The following NPHS1 variants were observed in gnomAD, a reference collection of about 807,000 sequenced individuals.
NPHS1 encodes the protein NPHS1 adhesion molecule, nephrin.
In NPHS1, 107 loss-of-function variants were observed where a neutral mutation model predicts 139.7. The ratio of observed to expected loss-of-function variants is 0.77; its 90% CI spans 0.66 to 0.90. The LOEUF is 0.90. Ranked by LOEUF, NPHS1 falls within the 40% of genes least tolerant of loss-of-function variation. The pLI is 0.00. For synonymous variants in NPHS1, 707 were observed against 706.6 expected (o/e 1.00, Z -0.01); for missense variants, 1,580 against 1,654.2 (o/e 0.96, Z 0.78).
chr19:35,829,197 G>A (rs1385387940), intron 28 of NPHS1, among the ~76,000 whole-genome samples: 1 of 152,208 alleles, frequency 6.6e-6, no homozygotes, highest in Non-Finnish European at 1.5e-5. Context: ...AACTGGCCCA[G>A]GCCTCTCCTG....
chr19:35,844,376 C>G lies in NPHS1; in HGVS notation c.2014G>C (p.Ala672Pro). The G allele has an allele frequency of 6.2e-7, 1 of 1,612,874 alleles. No individual in the cohort carries two copies. The highest frequency in any genetic ancestry group is 8.5e-7 in the Non-Finnish European group (1 of 1,179,638). Residue 672 changes from alanine (A) to proline (P), a missense_variant, in exon 15 of 29, where the codon GCT (alanine) becomes CCT (proline). Ala to Pro is a conservative substitution (Grantham distance 27). Coordinates refer to ENST00000378910, the MANE Select transcript of NPHS1 (RefSeq NM_004646.4). ...GEALLPVSVS[A>P]NPAPEAFNWT... ...TTGAAGGCCTCGGGGGCGGGGTTAGCGGACACGGACACGGGCAGCAACGCC... is the reference window on the plus strand; with the variant it reads ...TTGAAGGCCTCGGGGGCGGGGTTAGGGGACACGGACACGGGCAGCAACGCC...
At position 35,826,338 on chromosome 19, in the gene NPHS1, T is replaced by C; in HGVS notation, c.*176A>G. ...CCAACCCCAGGATGCACCTTGTTTC[T>C]ACTCTGGTACCAGCTGAACCATCTC... On this transcript the variant is annotated 3_prime_UTR_variant, in exon 29 of 29. Transcript: ENST00000378910. 1 of 690,580 alleles carries C rather than the reference T, an allele frequency of 1.4e-6. No homozygotes were observed. The highest frequency in any genetic ancestry group is 2.6e-5 in the Admixed American group (1 of 38,576). The allele number at this position is 690,580 out of a possible 1,614,324, so 42.8% of individuals were successfully genotyped here.
chr19:35,851,707 G>C (rs763349074), intron 1 of NPHS1, 35 bp from the exon 2 acceptor site: 1 of 1,589,650 alleles, frequency 6.3e-7, no homozygotes, highest in Admixed American at 1.8e-5. Flanking sequence ...AAAGGGCAGA[G>C]GGTTTGTCTA....
In NPHS1 at chr19:35,831,736, C is replaced by T. The variant is rs748126627; in HGVS notation, c.3193G>A (p.Val1065Met). ...AGAAGCCCCCCAAGAGCGAACAGCA[C>T]AGGCAGCAGGGGCAGCCCCGAGGGT... The part of the protein sequence containing the change: ...SGPSGLPLLP[V>M]LFALGGLLLL... The change falls in exon 24 of 29, where the codon GTG (valine) becomes ATG (methionine). Residue 1065 changes from valine to methionine, a missense_variant. Coordinates refer to ENST00000378910, the MANE Select transcript of NPHS1 (RefSeq NM_004646.4). The T allele has an allele frequency of 3.2e-6, 5 of 1,582,944 alleles. No individual in the cohort carries two copies. The African/African-American group carries it at 4.1e-5, about 13-fold the overall frequency.
In NPHS1 at chr19:35,826,472, G is replaced by A. The variant is rs746124484; in HGVS notation, c.*42C>T. On this transcript the variant is annotated 3_prime_UTR_variant, in exon 29 of 29. Coordinates refer to ENST00000378910, the MANE Select transcript of NPHS1 (RefSeq NM_004646.4). ...CTGTAATGAGAGAGACCAGTGGAGT[G>A]TAAATTCCTGCAGGTGCAGGACAAT... The A allele has an allele frequency of 1.9e-6, 3 of 1,610,942 alleles. No individual in the cohort carries two copies. The highest frequency in any genetic ancestry group is 3.3e-5 in the Admixed American group (2 of 59,990).
At position 35,841,714 on chromosome 19, in the gene NPHS1, C is replaced by T; in HGVS notation, c.2815+1G>A. ...CCAACACCCTCACAGCCCCTCCATA[C>T]TGATGCTGACAAGTTGAATGTTGGT... On this transcript the variant is annotated splice_donor_variant, in intron 20 of 28. Transcript: ENST00000378910. LOFTEE classifies it high-confidence loss of function. 6.2e-7 allele frequency: 1 copy of T among 1,614,170 alleles called. No individual in the cohort carries two copies. The highest frequency in any genetic ancestry group is 8.5e-7 in the Non-Finnish European group (1 of 1,180,022).
Position 35,842,247 on chromosome 19 carries a change from G to C in NPHS1, c.2540C>G (p.Thr847Ser). ...GCTGTCTCCAGCTGCAGCCACCTTA[G>C]TTAGGGGAGTGGGGTGCTCCACCTG... ...APQVEHPTPL[T>S]KVAAAGDSTS... is the part of the protein sequence containing the mutation. Residue 847 changes from threonine (T) to serine (S), a missense_variant, in exon 19 of 29, where the codon ACT (threonine) becomes AGT (serine). Thr to Ser is a moderately conservative substitution (Grantham distance 58). Coordinates refer to ENST00000378910, the MANE Select transcript of NPHS1 (RefSeq NM_004646.4). 6.2e-7 allele frequency: 1 copy of C among 1,613,382 alleles called. No homozygotes were observed. The highest frequency in any genetic ancestry group is 8.5e-7 in the Non-Finnish European group (1 of 1,179,958).
chr19:35,830,921 C>G lies in NPHS1; in HGVS notation c.3517G>C (p.Gly1173Arg). The part of the protein sequence containing the change: ...TGEDEDMAFP[G>R]HLYDEVERTY... ...CTTTCTACCTCATCATACAAGTGCC[C>G]AGGGAAGGCCATATCCTCATCTTCA... is the stretch of plus-strand genomic sequence containing the variant. The change falls in exon 28 of 29, where the codon GGG becomes CGG. Residue 1173 changes from glycine (G) to arginine (R), a missense_variant. Gly to Arg is a moderately radical substitution (Grantham distance 125). Coordinates refer to ENST00000378910, the MANE Select transcript of NPHS1 (RefSeq NM_004646.4). The G allele has an allele frequency of 1.9e-6, 3 of 1,613,956 alleles. No individual in the cohort carries two copies. Among genetic ancestry groups the G allele is most frequent in the Non-Finnish European group, 2.5e-6 (3 of 1,179,896 alleles).
At chr19:35,829,518 C>T (rs1205458222) in intron 28 of NPHS1, among the ~76,000 whole-genome samples, 4 of 151,140 alleles carry the variant, frequency 2.6e-5, no homozygotes, top group Non-Finnish European at 5.9e-5. Flanking sequence ...AGGCATGCAC[C>T]ACCATGCCCA....
Position 35,831,070 on chromosome 19 carries a change from T to C in NPHS1, c.3464A>G (p.Glu1155Gly). The C allele has an allele frequency of 6.2e-7, 1 of 1,614,006 alleles. No individual in the cohort carries two copies. The highest frequency in any genetic ancestry group is 8.5e-7 in the Non-Finnish European group (1 of 1,179,984). The change falls in exon 27 of 29, where the codon GAG becomes GGG. Residue 1155 changes from glutamate (E) to glycine (G), a missense_variant. Physicochemically the swap from Glu to Gly is moderately conservative, Grantham distance 98. Transcript: ENST00000378910. ...TAACTCACCTCGGGAATAAGACACC[T>C]CCTCCTGCGTCGGGGGCAGCTGGGG... ...FSPQLPPTQEEVSYSRGFTGE... is the reference protein window; with the variant it reads ...FSPQLPPTQEGVSYSRGFTGE...
At chr19:35,848,007 C>T (rs1388007023) in intron 11 of NPHS1, 34 bp downstream of exon 11, 1 of 1,611,062 alleles carries the variant, frequency 6.2e-7, no homozygotes, top group South Asian at 1.1e-5. Context: ...CCCCACATTC[C>T]TGGCCACCCC....
intron 22 of NPHS1, among the ~76,000 whole-genome samples, chr19:35,837,250 T>C (rs1972980342): frequency 6.6e-6 from 1 of 152,206 alleles, no homozygotes; most frequent in South Asian, 2.1e-4. Context: ...ATATTCATCA[T>C]ATTCAAGGAA....
intron 5 of NPHS1, among the ~76,000 whole-genome samples, 184 bp downstream of exon 5, chr19:35,850,180 T>G (rs965465794): frequency 6.6e-5 from 10 of 152,228 alleles, no homozygotes; most frequent in African/African-American, 2.4e-4. Flanking sequence ...CCTCCCAAAG[T>G]GCTGGGATTA....
rs2146803109 is a variant in NPHS1 at position 35,826,436 on chromosome 19, C to T, written c.*78G>A. ...GGTTTTATGGAGCTCACCTAACCAG[C>T]TCGGCCCAGGCTGTAATGAGAGAGA... On this transcript the variant is annotated 3_prime_UTR_variant, in exon 29 of 29. Coordinates refer to ENST00000378910, the MANE Select transcript of NPHS1 (RefSeq NM_004646.4). 6.3e-7 allele frequency: 1 copy of T among 1,580,418 alleles called. No homozygotes were observed. The highest frequency in any genetic ancestry group is 8.7e-7 in the Non-Finnish European group (1 of 1,151,618).
chr19:35,850,528 T>A, intron 4 of NPHS1, 83 bp from the exon 5 acceptor site: 3 of 1,147,866 alleles, frequency 2.6e-6, no homozygotes, highest in Non-Finnish European at 4.0e-6. Context: ...GTCCTCAGGG[T>A]GGGTGCGATG....
chr19:35,842,987 TCAGA>T (rs1173302496), intron 17 of NPHS1, among the ~76,000 whole-genome samples: 3 of 152,108 alleles, frequency 2.0e-5, no homozygotes, highest in South Asian at 2.1e-4. Context: ...ATGCATCTGT[TCAGA>T]CATTTACCCA....
At position 35,846,154 on chromosome 19, in the gene NPHS1, G is replaced by A. The variant is rs1568454835; in HGVS notation, c.1481C>T (p.Ser494Leu). Residue 494 changes from serine to leucine, a missense_variant, in exon 12 of 29, where the codon TCG becomes TTG. By Grantham distance (145) the Ser-to-Leu change is moderately radical. Transcript: ENST00000378910. ...CACGCTGCCGAGATGCACGCGCCGC[G>A]ACTCCTGCGGCAGCCGCGACTCGGT... ...TVTESRLPQE[S>L]RRVHLGSVEK... 3 of 1,595,966 alleles carry A rather than the reference G, an allele frequency of 1.9e-6. No homozygotes were observed. Among genetic ancestry groups the A allele is most frequent in the South Asian group, 2.3e-5 (2 of 88,292 alleles).
Position 35,825,694 on chromosome 19 carries a change from T to C in NPHS1, c.*820A>G, listed in dbSNP as rs1211984188. On this transcript the variant is annotated 3_prime_UTR_variant, in exon 29 of 29. Coordinates refer to ENST00000378910, the MANE Select transcript of NPHS1 (RefSeq NM_004646.4). ...AGCTTCTTTTGATTGTCTGTTTATT[T>C]TAATGCTTATGGAGCATACTTATGT... Among the ~76,000 whole-genome samples the C allele has an allele frequency of 6.6e-6, 1 of 152,226 alleles. No individual in the cohort carries two copies. The highest frequency in any genetic ancestry group is 6.5e-5 in the Admixed American group (1 of 15,280).
chr19:35,842,660 G>A (rs1973078905), intron 17 of NPHS1, 110 bp from the exon 18 acceptor site: 2 of 1,131,800 alleles, frequency 1.8e-6, no homozygotes, highest in Admixed American at 1.9e-5. Context: ...ACCCTCCACA[G>A]AGGTATTGAA....
Sources: gnomAD v4.1 joint callset for allele counts (sites outside exome capture counted in the v4.1 genomes callset) on GRCh38, gnomAD v4.1.1 for gene constraint, MANE v1.5 for transcripts, NCBI Gene and HGNC (gene_info 2026-07-23, HGNC 2026-07-21) for gene names.